GRIK4: variants seen among roughly 807,000 people sequenced by gnomAD.
GRIK4 encodes the protein glutamate ionotropic receptor kainate type subunit 4.
Under a neutral mutation model 104.9 loss-of-function variants are expected in GRIK4, and 40 were observed. The observed-to-expected ratio is 0.38, with a 90% CI of 0.30 to 0.50. The LOEUF (loss-of-function observed/expected upper bound fraction) is 0.50. Ranked by LOEUF, GRIK4 falls within the 20% of genes least tolerant of loss-of-function variation. The pLI is 0.93. For synonymous variants in GRIK4, 485 were observed against 524.9 expected (o/e 0.92, Z 1.04); for missense variants, 1,047 against 1,308.1 (o/e 0.80, Z 3.08).
intron 1 of GRIK4, among the ~76,000 whole-genome samples, chr11:120,650,839 A>G (rs1333024892): frequency 1.3e-5 from 2 of 152,216 alleles, no homozygotes; most frequent in African/African-American, 2.4e-5. Context: ...CCGCAAAAGC[A>G]CTTTACTCAC....
chr11:120,921,759 A>AG, intron 13 of GRIK4, among the ~76,000 whole-genome samples: 1 of 152,244 alleles, frequency 6.6e-6, no homozygotes, highest in East Asian at 1.9e-4. Flanking sequence ...GGGGAGGTCC[A>AG]GGGGGAGTTG....
intron 19 of GRIK4, among the ~76,000 whole-genome samples, chr11:120,974,641 T>G (rs1399739247): frequency 6.6e-6 from 1 of 152,232 alleles, no homozygotes; most frequent in Non-Finnish European, 1.5e-5. Flanking sequence ...CCTAACGATG[T>G]GGTGATGCCA....
intron 3 of GRIK4, among the ~76,000 whole-genome samples, chr11:120,789,507 A>C (rs1448885781): frequency 6.6e-6 from 1 of 152,074 alleles, no homozygotes; most frequent in African/African-American, 2.4e-5. Flanking sequence ...GACTATTAAA[A>C]TAACCCTCAA....
intron 13 of GRIK4, among the ~76,000 whole-genome samples, chr11:120,927,696 A>T (rs1943384163): frequency 6.6e-6 from 1 of 152,134 alleles, no homozygotes; most frequent in Non-Finnish European, 1.5e-5. Context: ...GCTTCATGGT[A>T]TTAACCACAC....
rs1943672701 is a variant in GRIK4, at chr11:120,939,612, C to T, written c.1477-735C>T. 1.3e-5 allele frequency among the ~76,000 whole-genome samples: 2 copies of T among 152,180 alleles called. No homozygotes were observed. Among genetic ancestry groups the T allele is most frequent in the South Asian group, 4.1e-4 (2 of 4,826 alleles). ...CCAGCATTTTTACTTTTCATTGTAG[C>T]CCCTTCAGCAAAGTTTCTTACACAC... On this transcript the variant is annotated intron_variant, in intron 13 of 20. Transcript: ENST00000527524. This position sits in a 1 kb window ranked among gnomAD's most constrained non-coding sequence, Gnocchi z 5.6.
intron 1 of GRIK4, among the ~76,000 whole-genome samples, chr11:120,543,890 A>G (rs1406571704): frequency 6.6e-6 from 1 of 152,260 alleles, no homozygotes; most frequent in Non-Finnish European, 1.5e-5. Flanking sequence ...AGGTACAGAA[A>G]GACAAATATT....
At chr11:120,954,390 G>A (rs919156240) in intron 15 of GRIK4, among the ~76,000 whole-genome samples, 12 of 151,538 alleles carry the variant, frequency 7.9e-5, no homozygotes, top group Admixed American at 2.0e-4. Context: ...TGTCAGTGAC[G>A]GCCTGCGAGA....
chr11:120,693,354 C>T (rs936371237), intron 3 of GRIK4, among the ~76,000 whole-genome samples: 4 of 152,124 alleles, frequency 2.6e-5, no homozygotes, highest in Non-Finnish European at 1.5e-5. Flanking sequence ...ATTCGCCTGG[C>T]GTGGCCTCCC....
chr11:120,550,238 G>A (rs1410759788), intron 1 of GRIK4, among the ~76,000 whole-genome samples: 1 of 151,570 alleles, frequency 6.6e-6, no homozygotes, highest in Non-Finnish European at 1.5e-5. Context: ...GGCATCCCAG[G>A]TTGCTGCTGC....
At chr11:120,722,018 A>G (rs1950940949) in intron 3 of GRIK4, among the ~76,000 whole-genome samples, 1 of 152,136 alleles carries the variant, frequency 6.6e-6, no homozygotes, top group Non-Finnish European at 1.5e-5. Context: ...TCTTAAGCTC[A>G]GAGAGGTTAA....
chr11:120,609,764 T>C (rs760391842), intron 1 of GRIK4, among the ~76,000 whole-genome samples: 8 of 152,144 alleles, frequency 5.3e-5, no homozygotes, highest in Non-Finnish European at 1.0e-4. Context: ...TCCATCTGCC[T>C]CGGCCTCCCA....
At chr11:120,901,566 C>G (rs1942739196) in intron 12 of GRIK4, among the ~76,000 whole-genome samples, 1 of 152,184 alleles carries the variant, frequency 6.6e-6, no homozygotes, top group African/African-American at 2.4e-5. Flanking sequence ...CTTTACCTCC[C>G]CTTCTAGGAT....
At chr11:120,959,564 C>T (rs1944243096) in intron 16 of GRIK4, among the ~76,000 whole-genome samples, 1 of 152,230 alleles carries the variant, frequency 6.6e-6, no homozygotes, top group Non-Finnish European at 1.5e-5. Flanking sequence ...TTAGATCTAT[C>T]TTTGAGCCCC....
chr11:120,523,137 C>G lies in GRIK4; in HGVS notation c.-159+11250C>G, dbSNP rs374631394. ...GGCCAAAATTTCAGCTGACCCAAAT[C>G]TAAGAGCACAGAGTAGGCAACTAGA... On this transcript the variant is annotated intron_variant, in intron 1 of 20. Transcript: ENST00000527524. 1.1e-4 allele frequency among the ~76,000 whole-genome samples: 17 copies of G among 148,830 alleles called. No homozygotes were observed. In the South Asian group the frequency reaches 3.3e-3, roughly 29 times the overall value.
At chr11:120,642,324 C>T (rs1949480278) in intron 1 of GRIK4, among the ~76,000 whole-genome samples, 1 of 152,068 alleles carries the variant, frequency 6.6e-6, no homozygotes, top group Non-Finnish European at 1.5e-5. Context: ...TGGAGTAAGA[C>T]CTCCATCTGT....
chr11:120,818,530 T>C (rs1425520578), intron 5 of GRIK4, among the ~76,000 whole-genome samples: 2 of 152,240 alleles, frequency 1.3e-5, no homozygotes, highest in Non-Finnish European at 2.9e-5. Context: ...CTCCCTATGG[T>C]TTAAAGGCTA....
intron 1 of GRIK4, among the ~76,000 whole-genome samples, chr11:120,609,375 C>T (rs1438135398): frequency 6.6e-6 from 1 of 151,896 alleles, no homozygotes; most frequent in African/African-American, 2.4e-5. Flanking sequence ...GCCTCAGCCT[C>T]CCAAGTAGCT....
intron 3 of GRIK4, among the ~76,000 whole-genome samples, chr11:120,716,909 C>T (rs552464140): frequency 3.9e-5 from 6 of 152,202 alleles, no homozygotes; most frequent in South Asian, 4.2e-4. Flanking sequence ...AGCTCAGGGC[C>T]CTGGTAATAA....
intron 1 of GRIK4, among the ~76,000 whole-genome samples, chr11:120,624,254 G>C (rs1163166131): frequency 6.6e-6 from 1 of 151,952 alleles, no homozygotes; most frequent in African/African-American, 2.4e-5. Flanking sequence ...GTTTGGCAGG[G>C]GCCACCCCAA....
Sources: allele counts gnomAD v4.1 joint callset (sites outside exome capture counted in the v4.1 genomes callset), GRCh38; gene constraint gnomAD v4.1.1; non-coding constraint Gnocchi (gnomAD v3.1); transcripts MANE v1.5; gene names NCBI Gene and HGNC (gene_info 2026-07-23, HGNC 2026-07-21).